EFCAB11: variants seen among roughly 807,000 people sequenced by gnomAD.
EFCAB11 encodes the protein EF-hand calcium-binding domain-containing protein 11.
In EFCAB11, 14 loss-of-function variants were observed where a neutral mutation model predicts 23.0. The observed-to-expected ratio is 0.61, with a 90% CI of 0.40 to 0.95. EFCAB11 has a LOEUF of 0.95. Among genes scored for constraint, EFCAB11 ranks in the 40% least tolerant of loss-of-function variants. The pLI, the probability that EFCAB11 is intolerant of heterozygous loss-of-function variation, is 0.00. For synonymous variants in EFCAB11, 65 were observed against 66.6 expected (o/e 0.98, Z 0.11); for missense variants, 198 against 195.8 (o/e 1.01, Z -0.07).
At chr14:89,829,212 A>T (rs941452797) in intron 5 of EFCAB11, among the ~76,000 whole-genome samples, 2 of 152,166 alleles carry the variant, frequency 1.3e-5, no homozygotes, top group African/African-American at 4.8e-5. Flanking sequence ...ATTCTGGAGG[A>T]GTTATCCTGA....
chr14:89,876,449 A>C (rs767973106), intron 5 of EFCAB11, among the ~76,000 whole-genome samples: 2 of 152,180 alleles, frequency 1.3e-5, no homozygotes, highest in Non-Finnish European at 2.9e-5. Context: ...GGAAATTTCT[A>C]TTCAAAATGT....
rs73324530 is a variant in EFCAB11, at chr14:89,947,640, C to T, written c.217+2457G>A. ...GGAGCATTTGATAGTGCTGACCACA[C>T]CTTCCTCATTAAAATATCTACTTCT... is the stretch of plus-strand genomic sequence containing the variant. On this transcript the variant is annotated intron_variant, in intron 3 of 5. Transcript: ENST00000316738. Among the ~76,000 whole-genome samples, 586 of 152,278 alleles carry T rather than the reference C, an allele frequency of 3.8e-3. 2 individuals carry two copies. Among genetic ancestry groups the T allele is most frequent in the African/African-American group, 0.014 (565 of 41,556 alleles).
chr14:89,919,186 GAGAGAGAGAGAGAGAGAC>G lies in EFCAB11; in HGVS notation c.410+12337_410+12354del, dbSNP rs1015438513. On this transcript the variant is annotated intron_variant, in intron 5 of 5. Transcript: ENST00000316738. Reference sequence around the variant, plus strand: ...AGATTTCTCAGACATCACACTTGATGAGAGAGAGAGAGAGAGACAGAGAGAGAGAGAGAGAGAGAGAAA... The same window carrying G: ...AGATTTCTCAGACATCACACTTGATGAGAGAGAGAGAGAGAGAGAGAGAAA... 1.8e-4 allele frequency among the ~76,000 whole-genome samples: 24 copies of G among 131,704 alleles called. No homozygotes were observed. In the East Asian group the frequency reaches 4.1e-3, roughly 22 times the overall value. The allele number at this position is 131,704 out of a possible 152,430, so 86.4% of individuals were successfully genotyped here.
intron 2 of EFCAB11, among the ~76,000 whole-genome samples, chr14:89,951,184 A>C (rs1397741386): frequency 6.6e-6 from 1 of 152,136 alleles, no homozygotes; most frequent in Non-Finnish European, 1.5e-5. Flanking sequence ...AGCTGCCTCA[A>C]ACTCAATGTG....
intron 2 of EFCAB11, among the ~76,000 whole-genome samples, chr14:89,952,093 G>A (rs1024137363): frequency 6.6e-6 from 1 of 152,182 alleles, no homozygotes; most frequent in Non-Finnish European, 1.5e-5. Flanking sequence ...AAAATCTGTT[G>A]AATTTCACAG....
chr14:89,839,002 G>T (rs770456165), intron 5 of EFCAB11, among the ~76,000 whole-genome samples: 89 of 152,260 alleles, frequency 5.8e-4, no homozygotes, highest in Middle Eastern at 3.4e-3. Context: ...TTTGAGTTTT[G>T]GGGGAGGCTA....
intron 5 of EFCAB11, among the ~76,000 whole-genome samples, chr14:89,925,017 CAAGT>C (rs1214399738): frequency 6.6e-6 from 1 of 152,104 alleles, no homozygotes; most frequent in African/African-American, 2.4e-5. Context: ...TTTCATTTAT[CAAGT>C]AAGTGAATGA....
chr14:89,879,290 T>C (rs1024740470), intron 5 of EFCAB11, among the ~76,000 whole-genome samples: 1 of 152,144 alleles, frequency 6.6e-6, no homozygotes, highest in African/African-American at 2.4e-5. Context: ...TTATTTTCCT[T>C]TTATCACTTT....
At chr14:89,916,216 GAAGT>G (rs1310195004) in intron 5 of EFCAB11, among the ~76,000 whole-genome samples, 8 of 142,748 alleles carry the variant, frequency 5.6e-5, no homozygotes, top group African/African-American at 2.4e-4. Context: ...TTGTCTATGA[GAAGT>G]ACATCTAGCT....
chr14:89,876,973 G>A (rs904260397), intron 5 of EFCAB11, among the ~76,000 whole-genome samples: 1 of 152,156 alleles, frequency 6.6e-6, no homozygotes, highest in Non-Finnish European at 1.5e-5. Context: ...CGTAAGGCTA[G>A]GATAGGTCAG....
At chr14:89,806,688 G>A (rs970392399) in intron 5 of EFCAB11, among the ~76,000 whole-genome samples, 2 of 152,178 alleles carry the variant, frequency 1.3e-5, no homozygotes, top group African/African-American at 2.4e-5. Context: ...CCAGGAGCGA[G>A]CTCTCTGCTC....
chr14:89,904,614 T>C (rs537091498), intron 5 of EFCAB11, among the ~76,000 whole-genome samples: 5 of 152,168 alleles, frequency 3.3e-5, no homozygotes, highest in Non-Finnish European at 7.3e-5. Context: ...TGCTCCTATT[T>C]CTCCATGTCC....
intron 5 of EFCAB11, among the ~76,000 whole-genome samples, chr14:89,919,911 A>G (rs1889970025): frequency 6.6e-6 from 1 of 152,182 alleles, no homozygotes; most frequent in Non-Finnish European, 1.5e-5. Context: ...CCCAGCTGGA[A>G]TTTATAAAAC....
At chr14:89,828,508 T>C (rs568924129) in intron 5 of EFCAB11, among the ~76,000 whole-genome samples, 155 of 152,306 alleles carry the variant, frequency 1.0e-3, no homozygotes, top group African/African-American at 3.7e-3. Flanking sequence ...CATAGTGCTT[T>C]TCCCCAGAAC....
chr14:89,813,346 A>G (rs748547129), intron 5 of EFCAB11, among the ~76,000 whole-genome samples: 9 of 152,176 alleles, frequency 5.9e-5, no homozygotes, highest in Non-Finnish European at 1.2e-4. Flanking sequence ...AAAAGTGAAG[A>G]CAAATTTGTT....
At chr14:89,817,350 T>C (rs1025591533) in intron 5 of EFCAB11, among the ~76,000 whole-genome samples, 2 of 151,918 alleles carry the variant, frequency 1.3e-5, no homozygotes, top group Admixed American at 6.6e-5. Flanking sequence ...AGTGAGACCC[T>C]GTCTCTACAA....
intron 3 of EFCAB11, among the ~76,000 whole-genome samples, chr14:89,942,396 A>G (rs1309771470): frequency 6.6e-6 from 1 of 152,170 alleles, no homozygotes; most frequent in Non-Finnish European, 1.5e-5. Context: ...AGTATTTATT[A>G]TTTTATTATT....
At chr14:89,919,064 T>C (rs928380923) in intron 5 of EFCAB11, among the ~76,000 whole-genome samples, 3 of 151,744 alleles carry the variant, frequency 2.0e-5, no homozygotes, top group African/African-American at 4.8e-5. Context: ...TAGAGATCAG[T>C]TTCTGCCTGT....
At chr14:89,902,747 G>A (rs185634006) in intron 5 of EFCAB11, among the ~76,000 whole-genome samples, 239 of 152,170 alleles carry the variant, frequency 1.6e-3, no homozygotes, top group African/African-American at 5.1e-3. Context: ...TTTAATTTAC[G>A]TATTTTAATC....
Sources: allele counts gnomAD v4.1 joint callset (sites outside exome capture counted in the v4.1 genomes callset), GRCh38; gene constraint gnomAD v4.1.1; transcripts MANE v1.5; gene names NCBI Gene and HGNC (gene_info 2026-07-23, HGNC 2026-07-21).